The following PITPNB variants were observed in gnomAD, a reference collection of about 807,000 sequenced individuals.
PITPNB encodes phosphatidylinositol transfer protein beta isoform.
A neutral mutation model predicts 45.9 loss-of-function variants in PITPNB; 16 were observed. The observed-to-expected ratio is 0.35, with a 90% confidence interval of 0.24 to 0.53. The LOEUF (loss-of-function observed/expected upper bound fraction) is 0.53, where lower values mean the gene tolerates loss of function less well. PITPNB is among the 20% of genes least tolerant of loss of function. The pLI, the probability that PITPNB is intolerant of heterozygous loss-of-function variation, is 0.93. For synonymous variants in PITPNB, 112 were observed against 108.9 expected (o/e 1.03, Z -0.18); for missense variants, 188 against 330.5 (o/e 0.57, Z 3.34).
At chr22:27,873,388 T>G (rs1295420095) in intron 8 of PITPNB, among the ~76,000 whole-genome samples, 3 of 152,206 alleles carry the variant, frequency 2.0e-5, no homozygotes, top group Non-Finnish European at 4.4e-5. Flanking sequence ...GCTTGTTCAG[T>G]TTTTAATAAG....
At chr22:27,881,545 A>G (rs546381721) in intron 7 of PITPNB, among the ~76,000 whole-genome samples, 2 of 152,338 alleles carry the variant, frequency 1.3e-5, no homozygotes, top group African/African-American at 4.8e-5. Flanking sequence ...GAAAACAACC[A>G]AAGCAGCATT....
chr22:27,887,770 C>T (rs570156242), intron 7 of PITPNB, among the ~76,000 whole-genome samples: 1 of 152,246 alleles, frequency 6.6e-6, no homozygotes, highest in South Asian at 2.1e-4. Context: ...CCATAAGTCA[C>T]CCTCATGTAA....
intron 1 of PITPNB, among the ~76,000 whole-genome samples, chr22:27,918,458 C>G (rs997050820): frequency 6.6e-6 from 1 of 152,202 alleles, no homozygotes; most frequent in African/African-American, 2.4e-5. Context: ...CGTGACTTTT[C>G]AACAAAATCA....
intron 3 of PITPNB, among the ~76,000 whole-genome samples, chr22:27,898,831 C>A (rs1280276942): frequency 6.6e-6 from 1 of 151,928 alleles, no homozygotes; most frequent in Admixed American, 6.6e-5. Context: ...AGAAACAATC[C>A]CAACATATAA....
Position 27,851,673 on chromosome 22 carries a change from A to AT in PITPNB, c.*2028dup, listed in dbSNP as rs1287383257. On this transcript the variant is annotated 3_prime_UTR_variant, in exon 12 of 12. Transcript: ENST00000335272. Reference sequence around the variant, plus strand: ...ACAACCACTCAAGCACACAAGTGGCATTTTGTGATCAAATTTATTTTTTGT... The same window carrying AT: ...ACAACCACTCAAGCACACAAGTGGCATTTTTGTGATCAAATTTATTTTTTGT... 2 of 152,200 alleles carry AT rather than the reference A, an allele frequency of 1.3e-5. No homozygotes were observed. Among genetic ancestry groups the AT allele is most frequent in the Non-Finnish European group, 2.9e-5 (2 of 68,036 alleles). 9.4% of individuals were successfully genotyped at this position (152,200 alleles called of 1,614,324 possible). A position where few individuals can be genotyped will look rare whatever the true frequency, so the allele number is the denominator to read the frequency against.
chr22:27,898,722 G>C (rs1677065942), intron 3 of PITPNB, among the ~76,000 whole-genome samples: 1 of 152,122 alleles, frequency 6.6e-6, no homozygotes, highest in Non-Finnish European at 1.5e-5. Flanking sequence ...TGTAGGTATG[G>C]GAGATGAATG....
chr22:27,883,358 A>G (rs1291648729), intron 7 of PITPNB, among the ~76,000 whole-genome samples: 2 of 152,238 alleles, frequency 1.3e-5, no homozygotes, highest in Non-Finnish European at 2.9e-5. Context: ...TTCTTTTAAC[A>G]GTAAAAATAA....
rs142728877 is a variant in PITPNB at position 27,879,467 on chromosome 22, C to G, written c.457-5652G>C. 5.5e-3 allele frequency among the ~76,000 whole-genome samples: 835 copies of G among 152,296 alleles called. 10 individuals are homozygous for G. Among genetic ancestry groups the G allele is most frequent in the African/African-American group, 0.019 (803 of 41,578 alleles). On this transcript the variant is annotated intron_variant, in intron 7 of 11. Transcript: ENST00000335272. The stretch of plus-strand genomic sequence containing the variant: ...GCTGCCTTAAGCAGCTGCCCATGGG[C>G]TACACCCCAGCACTCTCCTCAGGGG...
At chr22:27,864,018 C>A (rs1289204843) in intron 8 of PITPNB, among the ~76,000 whole-genome samples, 1 of 152,102 alleles carries the variant, frequency 6.6e-6, no homozygotes, top group Non-Finnish European at 1.5e-5. Context: ...GTTTTCCATC[C>A]AATTTACAAG....
At chr22:27,860,033 A>G (rs1376602725) in intron 9 of PITPNB, 98 bp downstream of exon 9, 5 of 690,458 alleles carry the variant, frequency 7.2e-6, no homozygotes, top group Non-Finnish European at 1.0e-5. Flanking sequence ...TTCATATCAT[A>G]AAGGAGGAAA....
intron 5 of PITPNB, 27 bp downstream of exon 5, chr22:27,897,103 A>G: frequency 1.3e-6 from 2 of 1,493,128 alleles, no homozygotes; most frequent in Non-Finnish European, 1.9e-6. Context: ...TAAAGAAAGT[A>G]TGAGACACAA....
chr22:27,896,800 A>G, intron 5 of PITPNB, 174 bp from the exon 6 acceptor site: 1 of 612,810 alleles, frequency 1.6e-6, no homozygotes, highest in Non-Finnish European at 2.9e-6. Flanking sequence ...CAGGCAAACC[A>G]AATGCTACAT....
chr22:27,898,306 T>TA (rs1935490761), intron 3 of PITPNB, among the ~76,000 whole-genome samples: 1 of 151,562 alleles, frequency 6.6e-6, no homozygotes, highest in African/African-American at 2.4e-5. Flanking sequence ...ACCTGGGAGA[T>TA]AGAGGTTGCA....
chr22:27,919,025 G>A, intron 1 of PITPNB, 147 bp downstream of exon 1: 2 of 1,199,742 alleles, frequency 1.7e-6, no homozygotes, highest in African/African-American at 1.5e-5. Context: ...GAGGGGCTTC[G>A]AAGGGGCCGG....
chr22:27,853,905 G>A (rs1353984076), intron 11 of PITPNB, among the ~76,000 whole-genome samples: 5 of 151,784 alleles, frequency 3.3e-5, no homozygotes, highest in African/African-American at 9.7e-5. Context: ...AAAAACTTAG[G>A]AGAGTTTAAC....
chr22:27,852,499 T>C lies in PITPNB; in HGVS notation c.*1203A>G, dbSNP rs1934048009. ...AGAATCTGTCCTGATGACGTCCTAC[T>C]TGAGAGCACATCCCACAGTCAGATG... On this transcript the variant is annotated 3_prime_UTR_variant, in exon 12 of 12. Transcript: ENST00000335272. 2.0e-5 allele frequency: 3 copies of C among 148,272 alleles called. 1 individual carries two copies. Among genetic ancestry groups the C allele is most frequent in the South Asian group, 4.2e-4 (2 of 4,726 alleles). The allele number at this position is 148,272 out of a possible 1,614,324, so 9.2% of individuals were successfully genotyped here. A position where few individuals can be genotyped will look rare whatever the true frequency, so the allele number is the denominator to read the frequency against.
At chr22:27,895,977 C>A (rs1174743006) in intron 6 of PITPNB, among the ~76,000 whole-genome samples, 1 of 152,228 alleles carries the variant, frequency 6.6e-6, no homozygotes, top group Non-Finnish European at 1.5e-5. Context: ...CCACGACAAA[C>A]CTTACCAAAA....
chr22:27,913,390 G>A (rs933890295), intron 2 of PITPNB, among the ~76,000 whole-genome samples: 2 of 152,162 alleles, frequency 1.3e-5, no homozygotes, highest in Admixed American at 1.3e-4. Context: ...GTCAGCTCTA[G>A]GAAAACCAGA....
chr22:27,877,327 T>C (rs1429730126), intron 7 of PITPNB, among the ~76,000 whole-genome samples: 2 of 152,142 alleles, frequency 1.3e-5, no homozygotes, highest in Admixed American at 1.3e-4. Flanking sequence ...AAAAATACAA[T>C]AGTATCAGCA....
Sources: gnomAD v4.1 joint callset for allele counts (sites outside exome capture counted in the v4.1 genomes callset) on GRCh38, gnomAD v4.1.1 for gene constraint, MANE v1.5 for transcripts, NCBI Gene and HGNC (gene_info 2026-07-23, HGNC 2026-07-21) for gene names.